Variants in HHLA1 observed in about 807,000 individuals in gnomAD.
HHLA1 encodes HHLA1 neighbor of OC90.
HHLA1 carries 72 observed loss-of-function variants against 69.9 expected under a neutral mutation model. The ratio of observed to expected loss-of-function variants is 1.03; its 90% CI spans 0.85 to 1.25. The LOEUF (loss-of-function observed/expected upper bound fraction) is 1.25. Ranked by LOEUF, HHLA1 falls within the 50% of genes most tolerant of loss-of-function variation. The pLI is 0.00. For synonymous variants in HHLA1, 252 were observed against 233.2 expected, an observed-to-expected ratio of 1.08 and a Z score of -0.73; for missense variants, 685 against 642.2, an observed-to-expected ratio of 1.07 and a Z score of -0.72.
At chr8:132,073,164 A>G (rs1823577554) in intron 14 of HHLA1, among the ~76,000 whole-genome samples, 1 of 152,142 alleles carries the variant, frequency 6.6e-6, no homozygotes, top group Non-Finnish European at 1.5e-5. Context: ...TTTCTTGTAG[A>G]GATGGGGCCT....
At chr8:132,097,481 T>A (rs1679113747) in intron 5 of HHLA1, among the ~76,000 whole-genome samples, 1 of 152,170 alleles carries the variant, frequency 6.6e-6, no homozygotes, top group African/African-American at 2.4e-5. Flanking sequence ...TACCACCACG[T>A]GGAGGTTATA....
chr8:132,089,443 T>C (rs1823910164), intron 8 of HHLA1, 73 bp downstream of exon 8: 1 of 821,600 alleles, frequency 1.2e-6, no homozygotes, highest in South Asian at 1.4e-5. Context: ...GTGAGGAACA[T>C]AATATGCTTC....
chr8:132,091,904 G>A (rs1008826206), intron 7 of HHLA1, among the ~76,000 whole-genome samples: 5 of 152,134 alleles, frequency 3.3e-5, no homozygotes, highest in African/African-American at 1.2e-4. Context: ...ATTCTGCAGA[G>A]GTAATTGGGC....
rs1213824871 is a variant in HHLA1, at chr8:132,087,798, C to T, written c.589+47G>A. 7 of 1,545,084 alleles carry T rather than the reference C, an allele frequency of 4.5e-6. No individual in the cohort carries two copies. In the African/African-American group the frequency reaches 8.2e-5, roughly 18 times the overall value. ...GGTTTCATCTGCTGGACAGTTTTGT[C>T]TATTTCTCAGCCCAGAGAGCTTGTC... On this transcript the variant is annotated intron_variant, in intron 9 of 16. Coordinates refer to ENST00000414222, the MANE Select transcript of HHLA1 (RefSeq NM_001145095.3).
In HHLA1 at chr8:132,077,895, C is replaced by G. The variant is rs1823674188; in HGVS notation, c.1002G>C (p.Trp334Cys). ...QTWASISSVPWAQTISEKKPG... is the reference protein window; with the variant it reads ...QTWASISSVPCAQTISEKKPG... ...GTTTTTTCTCACTGATGGTCTGAGC[C>G]CAGGGCACGGACGATATGGAAGCCC... The change falls in exon 12 of 17, where the codon TGG (tryptophan) becomes TGC (cysteine). Residue 334 changes from tryptophan to cysteine, a missense_variant. Transcript: ENST00000414222. 1 of 1,551,524 alleles carries G rather than the reference C, an allele frequency of 6.4e-7. No homozygotes were observed.
At chr8:132,081,612 C>A (rs1229313151) in intron 10 of HHLA1, among the ~76,000 whole-genome samples, 2 of 152,182 alleles carry the variant, frequency 1.3e-5, no homozygotes, top group Non-Finnish European at 2.9e-5. Context: ...TTATGTCTGA[C>A]AGAACAGAAG....
Position 132,087,679 on chromosome 8 carries a change from A to AATGT in HHLA1, c.646_649dup (p.Phe217TyrfsTer74). 1 of 1,551,502 alleles carries AATGT rather than the reference A, an allele frequency of 6.4e-7. No homozygotes were observed. Among genetic ancestry groups the AATGT allele is most frequent in the Non-Finnish European group, 8.7e-7 (1 of 1,146,854 alleles). On this transcript the variant is annotated frameshift_variant, in exon 10 of 17. Transcript: ENST00000414222. LOFTEE classifies it high-confidence loss of function. Reference sequence around the variant, plus strand: ...CAGAACACCAGACAAGCCGCTGGTAAATGTGTAATTGATAATGGGATATTT... The same window carrying AATGT: ...CAGAACACCAGACAAGCCGCTGGTAAATGTATGTGTAATTGATAATGGGATATTT...
rs919518847 is a variant in HHLA1 at position 132,109,318 on chromosome 8, G to T, written c.-22+1784C>A. 4.6e-5 allele frequency among the ~76,000 whole-genome samples: 7 copies of T among 152,254 alleles called. No homozygotes were observed. The East Asian group carries it at 1.3e-3, about 29-fold the overall frequency. ...GAGGACTGCCTAGGTTTACTTCCTG[G>T]TCTTGATCTACCGGCCTCGGTCTCC... is the stretch of plus-strand genomic sequence containing the variant. On this transcript the variant is annotated intron_variant, in intron 1 of 16. Coordinates refer to ENST00000414222, the MANE Select transcript of HHLA1 (RefSeq NM_001145095.3).
At chr8:132,097,711 C>T (rs1320018249) in intron 5 of HHLA1, among the ~76,000 whole-genome samples, 1 of 152,198 alleles carries the variant, frequency 6.6e-6, no homozygotes, top group African/African-American at 2.4e-5. Flanking sequence ...GCCTTCTTAT[C>T]GTGCACCTCC....
intron 14 of HHLA1, among the ~76,000 whole-genome samples, chr8:132,075,486 C>T (rs1039460095): frequency 6.6e-6 from 1 of 152,210 alleles, no homozygotes; most frequent in African/African-American, 2.4e-5. Flanking sequence ...GAAAACAGAG[C>T]TACAAACTCA....
intron 1 of HHLA1, among the ~76,000 whole-genome samples, chr8:132,107,305 A>AT (rs1305204575): frequency 6.6e-6 from 1 of 151,878 alleles, no homozygotes; most frequent in South Asian, 2.1e-4. Flanking sequence ...ATTTATTTTT[A>AT]TTTTTATTTT....
At chr8:132,079,061 C>T (rs554350236) in intron 11 of HHLA1, among the ~76,000 whole-genome samples, 10 of 152,284 alleles carry the variant, frequency 6.6e-5, no homozygotes, top group Non-Finnish European at 1.3e-4. Flanking sequence ...TAATGCTATC[C>T]CTAATGAGCT....
chr8:132,083,543 G>C (rs1823799542), intron 10 of HHLA1, among the ~76,000 whole-genome samples: 1 of 152,210 alleles, frequency 6.6e-6, no homozygotes, highest in Non-Finnish European at 1.5e-5. Context: ...GTCAGTCAGA[G>C]AGCCTTGGGC....
intron 10 of HHLA1, among the ~76,000 whole-genome samples, chr8:132,084,099 G>A (rs1013453184): frequency 8.5e-5 from 13 of 152,238 alleles, no homozygotes; most frequent in Middle Eastern, 3.4e-3. Flanking sequence ...AGAAAAAGGA[G>A]CATTAACCTT....
chr8:132,093,968 ATAT>A (rs1335274077), intron 7 of HHLA1, among the ~76,000 whole-genome samples: 3 of 152,224 alleles, frequency 2.0e-5, no homozygotes, highest in Non-Finnish European at 4.4e-5. Flanking sequence ...CTTTCCTTTA[ATAT>A]TTTCACAATA....
intron 15 of HHLA1, chr8:132,070,180 G>A: frequency 1.7e-6 from 1 of 581,544 alleles, no homozygotes; most frequent in Non-Finnish European, 3.0e-6. Flanking sequence ...CCAGGCCACT[G>A]GAGCAGGAGT....
chr8:132,103,176 A>C (rs1320122091), intron 3 of HHLA1, among the ~76,000 whole-genome samples: 1 of 152,216 alleles, frequency 6.6e-6, no homozygotes, highest in Non-Finnish European at 1.5e-5. Context: ...ATATTTATGG[A>C]AAGTTATCCT....
chr8:132,096,881 C>G (rs538881141), intron 5 of HHLA1, among the ~76,000 whole-genome samples: 1 of 152,270 alleles, frequency 6.6e-6, no homozygotes, highest in East Asian at 1.9e-4. Context: ...GCAGTCACAG[C>G]TCACTGCGGC....
chr8:132,108,148 C>T (rs532589758), intron 1 of HHLA1, among the ~76,000 whole-genome samples: 2 of 152,308 alleles, frequency 1.3e-5, no homozygotes, highest in African/African-American at 4.8e-5. Context: ...TGCAGTGCAA[C>T]TTACTAAACC....
Sources: gnomAD v4.1 joint callset for allele counts (sites outside exome capture counted in the v4.1 genomes callset) on GRCh38, gnomAD v4.1.1 for gene constraint, MANE v1.5 for transcripts, NCBI Gene and HGNC (gene_info 2026-07-23, HGNC 2026-07-21) for gene names.